Variants in NT5C1B observed in about 807,000 individuals in gnomAD.
NT5C1B encodes 5'-nucleotidase, cytosolic IB.
In NT5C1B, 44 loss-of-function variants were observed where a neutral mutation model predicts 57.8. That is an observed-to-expected ratio of 0.76 (90% confidence interval 0.60 to 0.98). The LOEUF (loss-of-function observed/expected upper bound fraction) is 0.98, where lower values mean the gene tolerates loss of function less well. NT5C1B is among the 50% of genes least tolerant of loss of function. NT5C1B has a pLI of 0.00. For missense variants in NT5C1B, 742 were observed against 719.5 expected, an observed-to-expected ratio of 1.03 and a Z score of -0.36; for synonymous variants, 284 against 282.6, an observed-to-expected ratio of 1.00 and a Z score of -0.05.
Position 18,589,439 on chromosome 2 carries a change from CT to C in NT5C1B, c.29del (p.Lys10ArgfsTer6). ...ATTCTAAGACACTCGGTTCACTCAC[CT>C]TTTTCTGTTTGAGAGATGTTTGACT... is the stretch of plus-strand genomic sequence containing the variant. On this transcript the variant is annotated frameshift_variant and splice_region_variant, in exon 1 of 9. Transcript: ENST00000304081. LOFTEE classifies it high-confidence loss of function. 6.2e-7 allele frequency: 1 copy of C among 1,614,070 alleles called. No homozygotes were observed.
chr2:18,571,032 G>A (rs7561652), intron 8 of NT5C1B, among the ~76,000 whole-genome samples: 29,488 of 152,026 alleles, frequency 0.19, 5,849 homozygotes, highest in African/African-American at 0.51. Flanking sequence ...AGAGAAGGTA[G>A]CTCCCTCAAC....
At chr2:18,586,818 G>C in intron 2 of NT5C1B, 1 of 1,166,246 alleles carries the variant, frequency 8.6e-7, no homozygotes, top group Non-Finnish European at 1.2e-6. Flanking sequence ...GTTGCAGGGG[G>C]ACTCTAAGGC....
Position 18,584,716 on chromosome 2 carries a change from T to A in NT5C1B, c.521A>T (p.Glu174Val). The A allele has an allele frequency of 8.1e-6, 13 of 1,612,892 alleles. 1 individual carries two copies. Among genetic ancestry groups the A allele is most frequent in the Middle Eastern group, 1.7e-4 (1 of 6,054 alleles). The stretch of plus-strand genomic sequence containing the variant: ...CTCGGTGGGGGACGTGCGCGAATAT[T>A]CCAGCGGCTGCGAGTCCCGGGTCTG... Residue 174 changes from glutamate to valine, a missense_variant, in exon 4 of 9, where the codon GAA becomes GTA. Physicochemically the swap from Glu to Val is moderately radical, Grantham distance 121 (BLOSUM62 -2). Transcript: ENST00000304081. The surrounding 1 kb of genome is among the most constrained non-coding windows in gnomAD (Gnocchi z 5.8).
At position 18,584,377 on chromosome 2, in the gene NT5C1B, GA is replaced by G; in HGVS notation, c.724-123del. The G allele has an allele frequency of 2.6e-6, 4 of 1,534,416 alleles. No individual in the cohort carries two copies. Among genetic ancestry groups the G allele is most frequent in the Non-Finnish European group, 3.5e-6 (4 of 1,142,114 alleles). ...CCCTGCTTGGAGAAGCGGGATGCTG[GA>G]GACAGCTGAGGCTGGGACTCCCCGA... On this transcript the variant is annotated intron_variant, in intron 4 of 8. Coordinates refer to ENST00000304081, the Ensembl canonical transcript of NT5C1B. The surrounding 1 kb of genome is among the most constrained non-coding windows in gnomAD (Gnocchi z 5.8).
At chr2:18,587,803 T>C (rs1223494513) in intron 1 of NT5C1B, among the ~76,000 whole-genome samples, 1 of 152,236 alleles carries the variant, frequency 6.6e-6, no homozygotes, top group Non-Finnish European at 1.5e-5. Flanking sequence ...AAACAAGTTT[T>C]AATATAGAAA....
At position 18,565,247 on chromosome 2, in the gene NT5C1B, T is replaced by C. The variant is rs1223671109; in HGVS notation, c.1330-1128A>G. ...TTTGTACATCATACAAATTTGTTCATTTGTACGGTTGTTTTAGTTTTAATT... is the reference window on the plus strand; with the variant it reads ...TTTGTACATCATACAAATTTGTTCACTTGTACGGTTGTTTTAGTTTTAATT... On this transcript the variant is annotated intron_variant, in intron 8 of 8. Transcript: ENST00000304081. 2.0e-5 allele frequency among the ~76,000 whole-genome samples: 3 copies of C among 152,210 alleles called. No individual in the cohort carries two copies. In the East Asian group the frequency reaches 5.8e-4, roughly 29 times the overall value.
intron 6 of NT5C1B, among the ~76,000 whole-genome samples, chr2:18,581,518 C>T (rs1251156097): frequency 6.6e-6 from 1 of 151,442 alleles, no homozygotes; most frequent in Non-Finnish European, 1.5e-5. Flanking sequence ...TGTTTGTCAT[C>T]TGTATGGACC....
chr2:18,574,863 G>A (rs1282812552), intron 8 of NT5C1B, among the ~76,000 whole-genome samples: 1 of 151,960 alleles, frequency 6.6e-6, no homozygotes, highest in South Asian at 2.1e-4. Context: ...GAGAGTGCTG[G>A]ATGTGTTTAT....
At chr2:18,589,212 G>A (rs531365029) in intron 1 of NT5C1B, among the ~76,000 whole-genome samples, 18 of 152,238 alleles carry the variant, frequency 1.2e-4, no homozygotes, top group Middle Eastern at 3.4e-3. Context: ...TATACTACAC[G>A]TTTTTTAATC....
At chr2:18,579,259 T>A (rs1172280012) in intron 6 of NT5C1B, among the ~76,000 whole-genome samples, 1 of 152,142 alleles carries the variant, frequency 6.6e-6, no homozygotes, top group Non-Finnish European at 1.5e-5. Flanking sequence ...AAACTACCAA[T>A]GACATTTTTC....
In NT5C1B at chr2:18,583,015, G is replaced by C. The variant is rs748405093; in HGVS notation, c.892-18C>G. ...TGTAGTGCCTGCAGGTTACAAACAT[G>C]AATGTGTGTAAAGAGGGGCAGGCAG... On this transcript the variant is annotated intron_variant, in intron 5 of 8. Coordinates refer to ENST00000304081, the Ensembl canonical transcript of NT5C1B. 3 of 1,610,582 alleles carry C rather than the reference G, an allele frequency of 1.9e-6. No homozygotes were observed. The highest frequency in any genetic ancestry group is 2.2e-5 in the South Asian group (2 of 90,458).
chr2:18,564,856 C>T (rs1346962086), intron 8 of NT5C1B, among the ~76,000 whole-genome samples: 1 of 152,082 alleles, frequency 6.6e-6, no homozygotes, highest in Non-Finnish European at 1.5e-5. Context: ...GGTGGTTCTT[C>T]TGACATTTAA....
exon 9 of NT5C1B, chr2:18,563,658 A>T: frequency 8.1e-6 from 8 of 988,984 alleles, no homozygotes; most frequent in Non-Finnish European, 8.4e-6. Context: ...TTTTCCAAAA[A>T]ATCAGGAGAA....
At chr2:18,571,797 C>A (rs937129743) in intron 8 of NT5C1B, among the ~76,000 whole-genome samples, 1 of 140,012 alleles carries the variant, frequency 7.1e-6, no homozygotes, top group Non-Finnish European at 1.5e-5. Context: ...GTATTCACAC[C>A]ACCTGGGCCT....
rs966970611 is a variant in NT5C1B at position 18,584,316 on chromosome 2, GCTC to G, written c.724-64_724-62del. The stretch of plus-strand genomic sequence containing the variant: ...TAGCCACGAAGAGGACAGGGTTGGG[GCTC>G]CTCCAGGGTAGGGTGAGAGTAGGAC... On this transcript the variant is annotated intron_variant, in intron 4 of 8. Transcript: ENST00000304081. The surrounding 1 kb of genome is among the most constrained non-coding windows in gnomAD (Gnocchi z 5.8). The G allele has an allele frequency of 6.3e-7, 1 of 1,584,356 alleles. No individual in the cohort carries two copies. Among genetic ancestry groups the G allele is most frequent in the African/African-American group, 1.3e-5 (1 of 74,426 alleles).
At chr2:18,571,741 TATATATATATATATATATATATATGTTA>T (rs1396502866) in intron 8 of NT5C1B, among the ~76,000 whole-genome samples, 1 of 82,302 alleles carries the variant, frequency 1.2e-5, no homozygotes, top group Non-Finnish European at 2.3e-5. Flanking sequence ...TATATATATA[TATATATATATATATATATATATATGTTA>T]ATTTTAACAA....
intron 8 of NT5C1B, among the ~76,000 whole-genome samples, chr2:18,574,962 A>G (rs1665543755): frequency 6.6e-6 from 1 of 152,060 alleles, no homozygotes; most frequent in Non-Finnish European, 1.5e-5. Flanking sequence ...ACTTTTAAAA[A>G]TTAAATATAA....
rs752541428 is a variant in NT5C1B, at chr2:18,582,848, A to T, written c.1021+20T>A. ...TCAGAGCGGAGAGCTGGTCTTCCAC[A>T]TGGTATTTATTTTACTTACCGTAGT... On this transcript the variant is annotated intron_variant, in intron 6 of 8. Transcript: ENST00000304081. 1 of 1,610,358 alleles carries T rather than the reference A, an allele frequency of 6.2e-7. No homozygotes were observed. The highest frequency in any genetic ancestry group is 8.5e-7 in the Non-Finnish European group (1 of 1,178,262).
At chr2:18,573,234 T>C (rs1434737196) in intron 8 of NT5C1B, among the ~76,000 whole-genome samples, 1 of 152,016 alleles carries the variant, frequency 6.6e-6, no homozygotes, top group African/African-American at 2.4e-5. Flanking sequence ...GGCAAAACTA[T>C]AGAAAAAGAA....
Sources: allele counts gnomAD v4.1 joint callset (sites outside exome capture counted in the v4.1 genomes callset), GRCh38; gene constraint gnomAD v4.1.1; non-coding constraint Gnocchi (gnomAD v3.1); transcripts MANE v1.5; gene names NCBI Gene and HGNC (gene_info 2026-07-23, HGNC 2026-07-21).